ROBO2: variants seen among roughly 807,000 people sequenced by gnomAD.
ROBO2 encodes roundabout homolog 2.
ROBO2 carries 53 observed loss-of-function variants against 160.8 expected under a neutral mutation model. The observed-to-expected ratio is 0.33, with a 90% CI of 0.26 to 0.41. The LOEUF is 0.41. ROBO2 is among the 10% of genes least tolerant of loss of function. The pLI, the probability that ROBO2 is intolerant of heterozygous loss-of-function variation, is 1.00. For missense variants in ROBO2, 1,577 were observed against 1,722.4 expected, an observed-to-expected ratio of 0.92 and a Z score of 1.49; for synonymous variants, 664 against 611.7, an observed-to-expected ratio of 1.09 and a Z score of -1.26.
chr3:77,289,606 A>C (rs1261780494), intron 2 of ROBO2, among the ~76,000 whole-genome samples: 2 of 152,140 alleles, frequency 1.3e-5, no homozygotes, highest in Admixed American at 6.5e-5. Context: ...ATAAAGTAAA[A>C]TTGACGGTTA....
chr3:76,960,399 C>T (rs1255137261), intron 2 of ROBO2, among the ~76,000 whole-genome samples: 1 of 151,966 alleles, frequency 6.6e-6, no homozygotes, highest in Non-Finnish European at 1.5e-5. Context: ...CAACAGTACA[C>T]TGATTATTTT....
intron 2 of ROBO2, among the ~76,000 whole-genome samples, chr3:76,486,252 GTCT>G (rs1288891443): frequency 2.0e-5 from 3 of 152,136 alleles, no homozygotes; most frequent in African/African-American, 7.2e-5. Context: ...AACTGCTTAG[GTCT>G]TCTTTCTGGA....
intron 2 of ROBO2, among the ~76,000 whole-genome samples, chr3:76,036,702 C>T (rs529142800): frequency 6.6e-6 from 1 of 151,520 alleles, no homozygotes; most frequent in South Asian, 2.1e-4. Flanking sequence ...CGGGATTTCT[C>T]CATGTTGGTG....
At chr3:75,993,009 CTTGATT>C in intron 2 of ROBO2, among the ~76,000 whole-genome samples, 1 of 152,294 alleles carries the variant, frequency 6.6e-6, no homozygotes, top group Admixed American at 6.5e-5. Flanking sequence ...AAGTAACTAG[CTTGATT>C]TTGATTTTAC....
intron 2 of ROBO2, among the ~76,000 whole-genome samples, chr3:76,700,786 A>G (rs2093031205): frequency 6.6e-6 from 1 of 152,026 alleles, no homozygotes. Context: ...TTTAAAAATA[A>G]TTTTCTTTGT....
At chr3:76,920,710 T>G (rs1470480561) in intron 2 of ROBO2, among the ~76,000 whole-genome samples, 1 of 152,258 alleles carries the variant, frequency 6.6e-6, no homozygotes, top group Non-Finnish European at 1.5e-5. Context: ...TTTGAAAAGT[T>G]TACATATTGC....
rs185982034 is a variant in ROBO2, at chr3:76,514,848, T to C, written c.109+577246T>C. Among the ~76,000 whole-genome samples, 9 of 152,306 alleles carry C rather than the reference T, an allele frequency of 5.9e-5. No homozygotes were observed. The East Asian group carries it at 1.7e-3, about 29-fold the overall frequency. The stretch of plus-strand genomic sequence containing the variant: ...TAGATACATGATTGCCTGAATGAAG[T>C]GTTCACCTCCATTTTTTCTTCTTTC... On this transcript the variant is annotated intron_variant, in intron 2 of 26. Coordinates refer to the ROBO2 transcript ENST00000487694.
chr3:76,253,078 G>A (rs1706138336), intron 2 of ROBO2, among the ~76,000 whole-genome samples: 1 of 151,926 alleles, frequency 6.6e-6, no homozygotes, highest in African/African-American at 2.4e-5. Context: ...GCAACACCTA[G>A]ATCAATGTTT....
chr3:76,504,023 A>G (rs1417946671), intron 2 of ROBO2, among the ~76,000 whole-genome samples: 3 of 152,248 alleles, frequency 2.0e-5, no homozygotes, highest in Non-Finnish European at 4.4e-5. Flanking sequence ...ATGAATGATT[A>G]TGATTTGCCA....
At chr3:76,487,072 C>A (rs1436728575) in intron 2 of ROBO2, among the ~76,000 whole-genome samples, 1 of 152,078 alleles carries the variant, frequency 6.6e-6, no homozygotes, top group African/African-American at 2.4e-5. Context: ...TGGGCTCAAG[C>A]AATCCACCTG....
intron 2 of ROBO2, among the ~76,000 whole-genome samples, chr3:77,175,722 GGA>G (rs2080092546): frequency 6.6e-6 from 1 of 151,932 alleles, no homozygotes; most frequent in African/African-American, 2.4e-5. Context: ...AGGCAAGCAG[GGA>G]GAGAGGTGAC....
At chr3:76,773,445 T>A (rs2062040618) in intron 2 of ROBO2, among the ~76,000 whole-genome samples, 1 of 150,968 alleles carries the variant, frequency 6.6e-6, no homozygotes, top group South Asian at 2.1e-4. Flanking sequence ...CATATATACA[T>A]ACATGCACCT....
chr3:76,308,129 A>G (rs1218794525), intron 2 of ROBO2, among the ~76,000 whole-genome samples: 2 of 152,164 alleles, frequency 1.3e-5, no homozygotes, highest in African/African-American at 4.8e-5. Flanking sequence ...TTGTAATCCC[A>G]GCACTTTGGG....
At chr3:76,700,284 T>G (rs2093020476) in intron 2 of ROBO2, among the ~76,000 whole-genome samples, 1 of 152,162 alleles carries the variant, frequency 6.6e-6, no homozygotes, top group African/African-American at 2.4e-5. Context: ...GTCATCATTT[T>G]ATAATCTTAC....
At chr3:76,589,392 C>T (rs1164577975) in intron 2 of ROBO2, among the ~76,000 whole-genome samples, 3 of 152,098 alleles carry the variant, frequency 2.0e-5, no homozygotes, top group Non-Finnish European at 4.4e-5. Flanking sequence ...CTCCGCCTCC[C>T]GAGGTTCCCG....
At chr3:76,537,685 C>G (rs980260383) in intron 2 of ROBO2, among the ~76,000 whole-genome samples, 2 of 152,088 alleles carry the variant, frequency 1.3e-5, no homozygotes, top group African/African-American at 4.8e-5. Context: ...AAGTATCACT[C>G]ATGTTTGTAT....
At chr3:76,392,744 T>G (rs2077219648) in intron 2 of ROBO2, among the ~76,000 whole-genome samples, 1 of 152,190 alleles carries the variant, frequency 6.6e-6, no homozygotes, top group Admixed American at 6.5e-5. Context: ...GAACATTTTT[T>G]TATAACCTGG....
chr3:77,380,354 G>C (rs1444209433), intron 2 of ROBO2, among the ~76,000 whole-genome samples: 3 of 152,134 alleles, frequency 2.0e-5, no homozygotes, highest in Non-Finnish European at 2.9e-5. Context: ...TGAGTTCATG[G>C]AACACAAGCC....
intron 23 of ROBO2, among the ~76,000 whole-genome samples, chr3:77,625,417 C>T (rs761514741): frequency 2.6e-5 from 4 of 151,544 alleles, no homozygotes; most frequent in East Asian, 3.9e-4. Context: ...CTCACTCTAT[C>T]GCCAGGCTGG....
Sources: allele counts gnomAD v4.1 joint callset (sites outside exome capture counted in the v4.1 genomes callset), GRCh38; gene constraint gnomAD v4.1.1; transcripts MANE v1.5; gene names NCBI Gene and HGNC (gene_info 2026-07-23, HGNC 2026-07-21).